SASH1: variants seen among roughly 807,000 people sequenced by gnomAD.
SASH1 encodes SAM and SH3 domain containing 1, also known as SAM and SH3 domain-containing protein 1.
Under a neutral mutation model 125.2 loss-of-function variants are expected in SASH1, and 44 were observed. The ratio of observed to expected loss-of-function variants is 0.35; its 90% CI spans 0.28 to 0.45. The LOEUF (loss-of-function observed/expected upper bound fraction) is 0.45, where lower values mean the gene tolerates loss of function less well. SASH1 is among the 20% of genes least tolerant of loss of function. SASH1 has a pLI of 1.00. For missense variants in SASH1, 1,426 were observed against 1,614.5 expected, an observed-to-expected ratio of 0.88 and a Z score of 2.00; for synonymous variants, 639 against 649.1, an observed-to-expected ratio of 0.98 and a Z score of 0.24.
rs202197858 is a variant in SASH1, at chr6:148,463,147, A to AT, written c.387-5383dup. On this transcript the variant is annotated intron_variant, in intron 4 of 19. Transcript: ENST00000367467. Reference sequence around the variant, plus strand: ...GTGTGGAGTGAGAGACTGCAATATAATTTTTTTTTTTTTTTAAGATGGAGT... The same window carrying AT: ...GTGTGGAGTGAGAGACTGCAATATAATTTTTTTTTTTTTTTTAAGATGGAGT... Among the ~76,000 whole-genome samples, 603 of 144,970 alleles carry AT rather than the reference A, an allele frequency of 4.2e-3. 1 individual carries two copies. Among genetic ancestry groups the AT allele is most frequent in the East Asian group, 0.023 (115 of 4,970 alleles).
intron 1 of SASH1, among the ~76,000 whole-genome samples, chr6:148,374,810 C>T (rs375776082): frequency 3.7e-4 from 56 of 152,174 alleles, no homozygotes; most frequent in African/African-American, 1.3e-3. Flanking sequence ...CGATCTCCTG[C>T]CTCAGCCTCC....
At chr6:148,486,937 A>C (rs1312940955) in intron 7 of SASH1, among the ~76,000 whole-genome samples, 1 of 522 alleles carries the variant, frequency 1.9e-3, no homozygotes, top group Non-Finnish European at 4.1e-3. Context: ...ACAACAACAA[A>C]TATATATATA....
At chr6:148,289,621 C>T (rs1424541564) in intron 1 of SASH1, among the ~76,000 whole-genome samples, 1 of 152,138 alleles carries the variant, frequency 6.6e-6, no homozygotes, top group Non-Finnish European at 1.5e-5. Context: ...GCCTTAGAGA[C>T]ATAGACAATT....
At chr6:148,219,397 C>T in the SASH1 span, among the ~76,000 whole-genome samples, 1 of 152,128 alleles carries the variant, frequency 6.6e-6, no homozygotes, top group African/African-American at 2.4e-5. Flanking sequence ...AGAATTCAGA[C>T]CTCCCCATTT....
chr6:148,289,727 G>A (rs374289093), intron 1 of SASH1, among the ~76,000 whole-genome samples: 4 of 152,218 alleles, frequency 2.6e-5, no homozygotes, highest in African/African-American at 9.6e-5. Flanking sequence ...TAGGGGCAGG[G>A]GATGCAGTCC....
chr6:148,459,680 C>T (rs933825410), intron 4 of SASH1, among the ~76,000 whole-genome samples: 1 of 151,616 alleles, frequency 6.6e-6, no homozygotes, highest in Non-Finnish European at 1.5e-5. Flanking sequence ...TGACTTGGTT[C>T]ATAGGTAGGG....
At chr6:148,387,905 ATTTTTTTTTT>A (rs71004291) in intron 1 of SASH1, among the ~76,000 whole-genome samples, 16 of 54,020 alleles carry the variant, frequency 3.0e-4, no homozygotes, top group African/African-American at 5.4e-4. Flanking sequence ...CGCCCTGCTA[ATTTTTTTTTT>A]TTTTTTTTTT....
At chr6:148,542,732 A>G (rs1782296506) in intron 17 of SASH1, among the ~76,000 whole-genome samples, 2 of 152,206 alleles carry the variant, frequency 1.3e-5, no homozygotes. Flanking sequence ...ATCTTTATGT[A>G]ACAACAATAA....
At position 148,468,557 on chromosome 6, in the gene SASH1, T is replaced by G; in HGVS notation, c.399T>G (p.His133Gln). 1 of 1,610,114 alleles carries G rather than the reference T, an allele frequency of 6.2e-7. No homozygotes were observed. Among genetic ancestry groups the G allele is most frequent in the Non-Finnish European group, 8.5e-7 (1 of 1,177,086 alleles). The change falls in exon 5 of 20, where the codon CAT becomes CAG. Residue 133 changes from histidine to glutamine, a missense_variant. By Grantham distance (24) the His-to-Gln change is conservative. Coordinates refer to ENST00000367467, the MANE Select transcript of SASH1 (RefSeq NM_015278.5). ...TTTTCTTTTCTAGGAACCCTCTTCA[T>G]AAATCAAACTCAGAAGACAGCTCTG... ...TPEVERKNPL[H>Q]KSNSEDSSVG...
At chr6:148,539,244 T>C (rs1400225916) in intron 16 of SASH1, among the ~76,000 whole-genome samples, 1 of 152,180 alleles carries the variant, frequency 6.6e-6, no homozygotes, top group Non-Finnish European at 1.5e-5. Flanking sequence ...ATAAGTGGTT[T>C]TGGGTTACAT....
chr6:148,364,204 TA>T (rs1178958177), intron 1 of SASH1, among the ~76,000 whole-genome samples: 1 of 152,182 alleles, frequency 6.6e-6, no homozygotes. Context: ...TGGAGATTAT[TA>T]CACAGCCCAG....
chr6:148,267,828 C>T (rs567344557), upstream of SASH1, among the ~76,000 whole-genome samples: 4 of 152,190 alleles, frequency 2.6e-5, no homozygotes, highest in Admixed American at 1.3e-4. Context: ...GGGAAGGGGG[C>T]GTGGAGTCTA....
intron 2 of SASH1, among the ~76,000 whole-genome samples, chr6:148,415,283 C>CT (rs1784780526): frequency 2.0e-5 from 3 of 152,116 alleles, no homozygotes; most frequent in Admixed American, 2.0e-4. Context: ...CTAAAGGGGC[C>CT]TGGGCACTGA....
chr6:148,526,845 G>T (rs1583303709), intron 11 of SASH1, among the ~76,000 whole-genome samples: 1 of 150,522 alleles, frequency 6.6e-6, no homozygotes, highest in Admixed American at 6.6e-5. Flanking sequence ...GGGATTACAT[G>T]AACATTGGTT....
chr6:148,257,383 G>T, the SASH1 span, among the ~76,000 whole-genome samples: 1 of 152,130 alleles, frequency 6.6e-6, no homozygotes, highest in African/African-American at 2.4e-5. Flanking sequence ...TCCAAGGCTG[G>T]CATTCATCTT....
intron 1 of SASH1, among the ~76,000 whole-genome samples, chr6:148,318,554 CTTTT>C (rs71004283): frequency 2.5e-5 from 3 of 121,094 alleles, no homozygotes; most frequent in Non-Finnish European, 5.3e-5. Context: ...CTACTAATTT[CTTTT>C]TTTTTTTTTT....
In SASH1 at chr6:148,550,706, C is replaced by T. The variant is rs541490897; in HGVS notation, c.*2148C>T. On this transcript the variant is annotated 3_prime_UTR_variant, in exon 20 of 20. Coordinates refer to ENST00000367467, the MANE Select transcript of SASH1 (RefSeq NM_015278.5). ...CTGCAGGGTTCTTGTATAGCTAAAG[C>T]GTTCAATGCATTTCACGTGCTGTGG... The T allele has an allele frequency of 2.6e-5, 4 of 152,332 alleles. No individual in the cohort carries two copies. In the East Asian group the frequency reaches 7.7e-4, roughly 29 times the overall value. 9.4% of individuals were successfully genotyped at this position (152,332 alleles called of 1,614,324 possible). A position where few individuals can be genotyped will look rare whatever the true frequency, so the allele number is the denominator to read the frequency against.
intron 9 of SASH1, 90 bp downstream of exon 9, chr6:148,514,546 A>AAGGGGT: frequency 7.5e-7 from 1 of 1,330,920 alleles, no homozygotes; most frequent in Non-Finnish European, 9.8e-7. Flanking sequence ...CTCAGCAGAA[A>AAGGGGT]AGGGATACGA....
chr6:148,358,733 GTTTTTTTTTT>G (rs10673654), intron 1 of SASH1, among the ~76,000 whole-genome samples: 60 of 120,936 alleles, frequency 5.0e-4, no homozygotes, highest in African/African-American at 1.8e-3. Flanking sequence ...CCATGTTTTT[GTTTTTTTTTT>G]TTTTTTTTTT....
Sources: allele counts gnomAD v4.1 joint callset (sites outside exome capture counted in the v4.1 genomes callset), GRCh38; gene constraint gnomAD v4.1.1; transcripts MANE v1.5; gene names NCBI Gene and HGNC (gene_info 2026-07-23, HGNC 2026-07-21).